Variants in IGSF10 observed in about 807,000 individuals in gnomAD.
The protein encoded by IGSF10 is calvaria mechanical force protein 608.
A neutral mutation model predicts 128.2 loss-of-function variants in IGSF10; 126 were observed. That is an observed-to-expected ratio of 0.98 (90% CI 0.85 to 1.14). IGSF10 has a LOEUF of 1.14. IGSF10 is among the 50% of genes most tolerant of loss of function. The pLI, the probability that IGSF10 is intolerant of heterozygous loss-of-function variation, is 0.00. For missense variants in IGSF10, 3,295 were observed against 3,149.8 expected (o/e 1.05, Z -1.10); for synonymous variants, 1,185 against 1,146.2 (o/e 1.03, Z -0.68).
At chr3:151,570,910 T>C in the IGSF10 span, among the ~76,000 whole-genome samples, 9 of 152,336 alleles carry the variant, frequency 5.9e-5, no homozygotes, top group Admixed American at 5.2e-4. Flanking sequence ...TTAATTTTTG[T>C]ATAAGGTGTA....
At chr3:151,432,627 T>G (rs780659793), downstream of IGSF10, 3 of 696,410 alleles carry the variant, frequency 4.3e-6, no homozygotes, top group Non-Finnish European at 7.6e-6. Context: ...GCAAGGATAG[T>G]ACTCTCCGGC....
chr3:151,516,806 A>G, the IGSF10 span, among the ~76,000 whole-genome samples: 7 of 152,106 alleles, frequency 4.6e-5, no homozygotes, highest in Admixed American at 1.3e-4. Flanking sequence ...TTAGATTAGG[A>G]AGAAAATGTT....
chr3:151,508,993 T>C, the IGSF10 span, among the ~76,000 whole-genome samples: 42 of 152,322 alleles, frequency 2.8e-4, no homozygotes, highest in African/African-American at 1.0e-3. Context: ...TAAAGTCATT[T>C]CCACAGTTAA....
chr3:151,486,822 C>A, the IGSF10 span, among the ~76,000 whole-genome samples: 1 of 152,140 alleles, frequency 6.6e-6, no homozygotes, highest in Non-Finnish European at 1.5e-5. Context: ...ATCTCTGGGA[C>A]AGATTTAAAG....
chr3:151,585,769 A>G, the IGSF10 span, among the ~76,000 whole-genome samples: 1 of 152,158 alleles, frequency 6.6e-6, no homozygotes, highest in African/African-American at 2.4e-5. Context: ...TGCATGTGGA[A>G]GAAGAAAGTG....
At chr3:151,571,948 G>A in the IGSF10 span, among the ~76,000 whole-genome samples, 63 of 152,190 alleles carry the variant, frequency 4.1e-4, no homozygotes, top group African/African-American at 1.3e-3. Flanking sequence ...TGAATTTGTC[G>A]AAGGCCTTTT....
At chr3:151,619,201 G>C in the IGSF10 span, among the ~76,000 whole-genome samples, 1 of 152,088 alleles carries the variant, frequency 6.6e-6, no homozygotes, top group Non-Finnish European at 1.5e-5. Flanking sequence ...AGCTTGAACA[G>C]ATATCAACTA....
At chr3:151,493,094 C>T in the IGSF10 span, among the ~76,000 whole-genome samples, 1 of 151,880 alleles carries the variant, frequency 6.6e-6, no homozygotes, top group South Asian at 2.1e-4. Context: ...CATGATTTCA[C>T]TCATGTGTAG....
chr3:151,440,008 ATT>A, intron 7 of IGSF10, among the ~76,000 whole-genome samples: 1 of 152,026 alleles, frequency 6.6e-6, no homozygotes, highest in South Asian at 2.1e-4. Flanking sequence ...GCCTCAAGTC[ATT>A]TCTCTCTCTC....
At chr3:151,552,915 TTA>T in the IGSF10 span, among the ~76,000 whole-genome samples, 1 of 152,112 alleles carries the variant, frequency 6.6e-6, no homozygotes, top group African/African-American at 2.4e-5. Context: ...AGTGGTTATA[TTA>T]CATAATTTTT....
intron 7 of IGSF10, among the ~76,000 whole-genome samples, chr3:151,442,769 G>A (rs74958405): frequency 2.0e-5 from 3 of 152,086 alleles, no homozygotes; most frequent in Admixed American, 6.6e-5. Flanking sequence ...AAAACCCTAA[G>A]AAGTTGACCC....
the IGSF10 span, among the ~76,000 whole-genome samples, chr3:151,521,619 T>A: frequency 2.6e-5 from 4 of 151,744 alleles, no homozygotes; most frequent in Non-Finnish European, 4.4e-5. Context: ...TTGGGGTAAA[T>A]AATGAAATTC....
At chr3:151,567,187 G>A in the IGSF10 span, among the ~76,000 whole-genome samples, 1 of 152,190 alleles carries the variant, frequency 6.6e-6, no homozygotes, top group African/African-American at 2.4e-5. Flanking sequence ...GAGACAAAGA[G>A]AGAGAAACTT....
chr3:151,466,229 TA>T, the IGSF10 span, among the ~76,000 whole-genome samples: 1 of 152,072 alleles, frequency 6.6e-6, no homozygotes, highest in African/African-American at 2.4e-5. Flanking sequence ...CCCCCAGAAA[TA>T]CCAGGTGACC....
At chr3:151,612,315 A>T in the IGSF10 span, among the ~76,000 whole-genome samples, 1 of 152,196 alleles carries the variant, frequency 6.6e-6, no homozygotes, top group African/African-American at 2.4e-5. Context: ...AGTGTGAATA[A>T]GATGATTTCA....
intron 4 of IGSF10, among the ~76,000 whole-genome samples, chr3:151,456,045 A>G (rs1354421905): frequency 1.3e-5 from 2 of 152,224 alleles, no homozygotes; most frequent in Non-Finnish European, 2.9e-5. Context: ...TCAATCTCCA[A>G]CTCAATGTTC....
At chr3:151,584,946 A>G in the IGSF10 span, among the ~76,000 whole-genome samples, 1 of 152,212 alleles carries the variant, frequency 6.6e-6, no homozygotes, top group East Asian at 1.9e-4. Context: ...CATTATATCC[A>G]GCAACTTTAT....
chr3:151,513,692 C>T, the IGSF10 span, among the ~76,000 whole-genome samples: 1 of 152,168 alleles, frequency 6.6e-6, no homozygotes, highest in Non-Finnish European at 1.5e-5. Flanking sequence ...TCCCTGTTTG[C>T]AGATGACATG....
chr3:151,560,364 C>G, the IGSF10 span, among the ~76,000 whole-genome samples: 1 of 152,106 alleles, frequency 6.6e-6, no homozygotes, highest in African/African-American at 2.4e-5. Context: ...ATCACCCCAG[C>G]AGCCCCAAAC....
Sources: allele counts gnomAD v4.1 joint callset (sites outside exome capture counted in the v4.1 genomes callset), GRCh38; gene constraint gnomAD v4.1.1; transcripts MANE v1.5; gene names NCBI Gene and HGNC (gene_info 2026-07-23, HGNC 2026-07-21).